The following AHCYL2 variants were observed in gnomAD, a reference collection of about 807,000 sequenced individuals.
AHCYL2 encodes adenosylhomocysteinase like 2, also known as S-adenosylhomocysteine hydrolase-like protein 2.
In AHCYL2, 28 loss-of-function variants were observed where a neutral mutation model predicts 81.4. The ratio of observed to expected loss-of-function variants is 0.34; its 90% CI spans 0.25 to 0.47. AHCYL2 has a LOEUF of 0.47. Among genes scored for constraint, AHCYL2 ranks in the 20% least tolerant of loss-of-function variants. The probability of loss-of-function intolerance (pLI) is 1.00; values close to 1 mark genes in which losing one functional copy is unlikely to be tolerated. For synonymous variants in AHCYL2, 272 were observed against 290.2 expected, an observed-to-expected ratio of 0.94 and a Z score of 0.64; for missense variants, 551 against 785.1, an observed-to-expected ratio of 0.70 and a Z score of 3.56.
intron 1 of AHCYL2, among the ~76,000 whole-genome samples, chr7:129,249,229 C>G (rs1364424782): frequency 6.6e-6 from 1 of 152,044 alleles, no homozygotes; most frequent in Admixed American, 6.5e-5. Flanking sequence ...AACTCCTAGA[C>G]TCAAGCAACC....
At chr7:129,250,741 G>A (rs528712670) in intron 1 of AHCYL2, among the ~76,000 whole-genome samples, 1 of 152,236 alleles carries the variant, frequency 6.6e-6, no homozygotes, top group African/African-American at 2.4e-5. Flanking sequence ...TGAATAAATT[G>A]GCATGTGTTA....
At chr7:129,410,681 T>G (rs1351278008) in intron 11 of AHCYL2, among the ~76,000 whole-genome samples, 2 of 152,152 alleles carry the variant, frequency 1.3e-5, no homozygotes, top group Non-Finnish European at 2.9e-5. Flanking sequence ...GTAGACGAGG[T>G]TATTCTGTTA....
chr7:129,275,140 T>G (rs566016864), intron 1 of AHCYL2, among the ~76,000 whole-genome samples: 2 of 152,198 alleles, frequency 1.3e-5, no homozygotes, highest in Non-Finnish European at 2.9e-5. Flanking sequence ...TCCAGAACTT[T>G]GGGAGGCTGA....
intron 1 of AHCYL2, among the ~76,000 whole-genome samples, chr7:129,272,330 T>C (rs749767438): frequency 1.3e-5 from 2 of 152,208 alleles, no homozygotes; most frequent in Non-Finnish European, 2.9e-5. Flanking sequence ...CCAGATGTTA[T>C]AGAGCAGACA....
chr7:129,372,605 C>G lies in AHCYL2; in HGVS notation c.364-7033C>G, dbSNP rs569234955. ...GATGGATCACCTGAGGTCAGGAGTT[C>G]GAGACCAGCCTGCCCAACATGGCGA... On this transcript the variant is annotated intron_variant, in intron 1 of 16. Transcript: ENST00000325006. Among the ~76,000 whole-genome samples the G allele has an allele frequency of 5.3e-5, 8 of 152,056 alleles. No homozygotes were observed. The East Asian group carries it at 1.5e-3, about 29-fold the overall frequency.
At chr7:129,416,609 C>T (rs1796864364) in intron 12 of AHCYL2, among the ~76,000 whole-genome samples, 1 of 151,674 alleles carries the variant, frequency 6.6e-6, no homozygotes, top group African/African-American at 2.4e-5. Context: ...ACCAGCCTGG[C>T]TAACATGGTG....
chr7:129,309,654 A>G (rs1386272163), intron 1 of AHCYL2, among the ~76,000 whole-genome samples: 2 of 152,218 alleles, frequency 1.3e-5, no homozygotes, highest in Non-Finnish European at 2.9e-5. Flanking sequence ...CAGCCCCCGC[A>G]TTCCTGGATC....
rs1245687258 is a variant in AHCYL2, at chr7:129,405,830, C to T, written c.1143-6C>T. ...TTTTCTGATTTAATGTTTTTTTTTCCCCTAGACTTAAAAGGACAACAGACA... is the reference window on the plus strand; with the variant it reads ...TTTTCTGATTTAATGTTTTTTTTTCTCCTAGACTTAAAAGGACAACAGACA... On this transcript the variant is annotated splice_polypyrimidine_tract_variant and splice_region_variant and intron_variant, in intron 8 of 16. Transcript: ENST00000325006. The T allele has an allele frequency of 1.9e-6, 3 of 1,601,372 alleles. No homozygotes were observed. The highest frequency in any genetic ancestry group is 1.7e-5 in the Admixed American group (1 of 59,112).
chr7:129,260,395 T>A (rs1404732493), intron 1 of AHCYL2, among the ~76,000 whole-genome samples: 2 of 152,210 alleles, frequency 1.3e-5, no homozygotes, highest in Non-Finnish European at 2.9e-5. Context: ...TGCCCTTCAA[T>A]ATACAATCAT....
chr7:129,370,539 A>G (rs943652089), intron 1 of AHCYL2, among the ~76,000 whole-genome samples: 6 of 151,444 alleles, frequency 4.0e-5, no homozygotes, highest in Non-Finnish European at 5.9e-5. Flanking sequence ...TCTACTAAAA[A>G]TACAAAAAAT....
chr7:129,340,727 A>G (rs780200948), intron 1 of AHCYL2, among the ~76,000 whole-genome samples: 44 of 152,198 alleles, frequency 2.9e-4, no homozygotes, highest in Middle Eastern at 3.4e-3. Context: ...AAAAATTATG[A>G]ATTGTTGAAT....
At chr7:129,370,456 G>C (rs560935611) in intron 1 of AHCYL2, among the ~76,000 whole-genome samples, 19 of 152,168 alleles carry the variant, frequency 1.2e-4, no homozygotes, top group Admixed American at 6.5e-4. Context: ...CAGCACTTTG[G>C]GGGAGGCCAG....
Position 129,368,231 on chromosome 7 carries a change from GGGTGCAGC to G in AHCYL2, c.364-11406_364-11399del. On this transcript the variant is annotated intron_variant, in intron 1 of 16. Coordinates refer to ENST00000325006, the MANE Select transcript of AHCYL2 (RefSeq NM_015328.4). This position sits in a 1 kb window ranked among gnomAD's most constrained non-coding sequence, Gnocchi z 4.4. Reference sequence around the variant, plus strand: ...GTGCCCTGTGAGAAGCACAGTGCCTGGGTGCAGCACTTTGCATCAGCTCTGATTTTGAA... The same window carrying G: ...GTGCCCTGTGAGAAGCACAGTGCCTGACTTTGCATCAGCTCTGATTTTGAA... 1 of 1,332,756 alleles carries G rather than the reference GGGTGCAGC, an allele frequency of 7.5e-7. No homozygotes were observed. The highest frequency in any genetic ancestry group is 1.9e-5 in the South Asian group (1 of 53,112). 82.6% of individuals were successfully genotyped at this position (1,332,756 alleles called of 1,614,324 possible).
intron 1 of AHCYL2, among the ~76,000 whole-genome samples, chr7:129,288,133 G>T (rs755543409): frequency 2.6e-5 from 4 of 152,096 alleles, no homozygotes; most frequent in Non-Finnish European, 5.9e-5. Flanking sequence ...TTTGAATCAG[G>T]ATACAAATGA....
At position 129,406,410 on chromosome 7, in the gene AHCYL2, C is replaced by T. The variant is rs1173420757; in HGVS notation, c.1239C>T (p.Ala413=). Residue 413 remains alanine, a synonymous_variant, in exon 10 of 17, where the codon GCC becomes GCT. Transcript: ENST00000325006. This position sits in a 1 kb window ranked among gnomAD's most constrained non-coding sequence, Gnocchi z 4.3. ...AAGGGTGCTGTGCTGCCCTGAAAGC[C>T]ATGGGCTCCATTGTGTATGTAACTG... ...VGKGCCAALK[A]MGSIVYVTEI... 1 of 1,613,902 alleles carries T rather than the reference C, an allele frequency of 6.2e-7. No homozygotes were observed. The highest frequency in any genetic ancestry group is 8.5e-7 in the Non-Finnish European group (1 of 1,180,002).
At chr7:129,384,817 G>T (rs561446643) in intron 2 of AHCYL2, among the ~76,000 whole-genome samples, 53 of 152,282 alleles carry the variant, frequency 3.5e-4, no homozygotes, top group African/African-American at 1.2e-3. Context: ...TTCCAGATGC[G>T]TAGGAGAGAA....
chr7:129,387,567 A>C (rs985970693), intron 2 of AHCYL2, among the ~76,000 whole-genome samples: 1 of 152,252 alleles, frequency 6.6e-6, no homozygotes, highest in Non-Finnish European at 1.5e-5. Flanking sequence ...ATTTTCCATA[A>C]ATCTGGATCG....
chr7:129,300,442 A>G (rs528550807), intron 1 of AHCYL2, among the ~76,000 whole-genome samples: 8 of 152,240 alleles, frequency 5.3e-5, no homozygotes, highest in African/African-American at 1.9e-4. Context: ...AAGGATATCT[A>G]CTTTGATTCA....
At chr7:129,313,720 A>T (rs1797739002) in intron 1 of AHCYL2, among the ~76,000 whole-genome samples, 1 of 152,256 alleles carries the variant, frequency 6.6e-6, no homozygotes, top group African/African-American at 2.4e-5. Flanking sequence ...TGAAAAAAAT[A>T]GAATGGGATA....
Sources: gnomAD v4.1 joint callset for allele counts (sites outside exome capture counted in the v4.1 genomes callset) on GRCh38, gnomAD v4.1.1 for gene constraint, Gnocchi (gnomAD v3.1) non-coding constraint, MANE v1.5 for transcripts, NCBI Gene and HGNC (gene_info 2026-07-23, HGNC 2026-07-21) for gene names.